Variants in LPGAT1 observed in about 807,000 individuals in gnomAD.
LPGAT1 encodes the protein acyl-CoA:lysophosphatidylglycerol acyltransferase 1.
In LPGAT1, 11 loss-of-function variants were observed where a neutral mutation model predicts 47.5. The ratio of observed to expected loss-of-function variants is 0.23; its 90% CI spans 0.15 to 0.38. The LOEUF (loss-of-function observed/expected upper bound fraction) is 0.38. LPGAT1 is among the 10% of genes least tolerant of loss of function. LPGAT1 has a pLI of 1.00. For synonymous variants in LPGAT1, 138 were observed against 144.2 expected (o/e 0.96, Z 0.31); for missense variants, 293 against 439.0 (o/e 0.67, Z 2.97).
intron 6 of LPGAT1, among the ~76,000 whole-genome samples, chr1:211,756,987 G>A (rs749511123): frequency 9.2e-5 from 14 of 151,566 alleles, no homozygotes; most frequent in South Asian, 2.1e-4. Context: ...CGCCAGGTGC[G>A]GTGGCTCACA....
chr1:211,799,458 T>C (rs1013356587), intron 2 of LPGAT1, among the ~76,000 whole-genome samples: 1 of 152,216 alleles, frequency 6.6e-6, no homozygotes, highest in Non-Finnish European at 1.5e-5. Flanking sequence ...TAAGCACTGT[T>C]TTCAAACTTA....
intron 3 of LPGAT1, among the ~76,000 whole-genome samples, chr1:211,791,751 A>AC (rs1349942186): frequency 2.0e-5 from 3 of 147,818 alleles, no homozygotes; most frequent in Admixed American, 6.8e-5. Flanking sequence ...CATCTCAAAA[A>AC]AAAAAAAAAA....
chr1:211,762,858 G>A (rs6680326), intron 6 of LPGAT1, among the ~76,000 whole-genome samples: 51,814 of 152,036 alleles, frequency 0.34, 10,508 homozygotes, highest in East Asian at 0.72. Context: ...GAATTTTTAC[G>A]TCAAGACTCC....
intron 4 of LPGAT1, among the ~76,000 whole-genome samples, chr1:211,786,468 G>A (rs745634098): frequency 3.3e-5 from 5 of 152,170 alleles, no homozygotes; most frequent in East Asian, 1.9e-4. Context: ...ATAAAAGCTC[G>A]TACATACCAT....
intron 6 of LPGAT1, among the ~76,000 whole-genome samples, chr1:211,771,098 C>CA (rs370445381): frequency 0.074 from 7,047 of 94,992 alleles, 213 homozygotes; most frequent in South Asian, 0.15. Flanking sequence ...GACACTATCT[C>CA]AAAAAAAAAA....
intron 6 of LPGAT1, among the ~76,000 whole-genome samples, chr1:211,758,883 C>T (rs1193769804): frequency 6.6e-6 from 1 of 151,918 alleles, no homozygotes; most frequent in African/African-American, 2.4e-5. Context: ...CTTCTATTTC[C>T]AATTTGCTAA....
At position 211,830,710 on chromosome 1, in the gene LPGAT1, C is replaced by A; in HGVS notation, c.-165G>T. The A allele has an allele frequency of 4.2e-6, 5 of 1,184,174 alleles. No individual in the cohort carries two copies. Among genetic ancestry groups the A allele is most frequent in the South Asian group, 8.5e-5 (2 of 23,642 alleles). 73.4% of individuals were successfully genotyped at this position (1,184,174 alleles called of 1,614,324 possible). A position where few individuals can be genotyped will look rare whatever the true frequency, so the allele number is the denominator to read the frequency against. Reference sequence around the variant, plus strand: ...GGCTGTGGCGCGGCCCGCGCCCGTTCCCCGGCGGCGCCGAGACTCGGTCCC... The same window carrying A: ...GGCTGTGGCGCGGCCCGCGCCCGTTACCCGGCGGCGCCGAGACTCGGTCCC... On this transcript the variant is annotated 5_prime_UTR_variant, in exon 1 of 8. Coordinates refer to ENST00000366997, the MANE Select transcript of LPGAT1 (RefSeq NM_014873.3). The surrounding 1 kb of genome is among the most constrained non-coding windows in gnomAD (Gnocchi z 5.9).
chr1:211,769,481 G>A (rs1658073438), intron 6 of LPGAT1, among the ~76,000 whole-genome samples: 1 of 152,170 alleles, frequency 6.6e-6, no homozygotes, highest in South Asian at 2.1e-4. Context: ...GCCCGCAAGA[G>A]AGGATTTTTG....
At chr1:211,817,650 T>C (rs1660221749) in intron 2 of LPGAT1, among the ~76,000 whole-genome samples, 1 of 152,138 alleles carries the variant, frequency 6.6e-6, no homozygotes, top group African/African-American at 2.4e-5. Context: ...TGAGACATTC[T>C]ACTAACTAAT....
At chr1:211,822,390 G>T (rs1046575962) in intron 2 of LPGAT1, among the ~76,000 whole-genome samples, 1 of 152,034 alleles carries the variant, frequency 6.6e-6, no homozygotes, top group Non-Finnish European at 1.5e-5. Context: ...CCTACCACAG[G>T]GATGGAGAAG....
At chr1:211,766,963 A>C (rs1657944608) in intron 6 of LPGAT1, among the ~76,000 whole-genome samples, 1 of 152,124 alleles carries the variant, frequency 6.6e-6, no homozygotes, top group Admixed American at 6.5e-5. Context: ...TAAATATCTG[A>C]AATTAGGCAT....
rs1238327860 is a variant in LPGAT1 at position 211,747,204 on chromosome 1, TTC to T, written c.*2693_*2694del. 1 of 152,170 alleles carries T rather than the reference TTC, an allele frequency of 6.6e-6. No individual in the cohort carries two copies. Among genetic ancestry groups the T allele is most frequent in the African/African-American group, 2.4e-5 (1 of 41,450 alleles). The allele number at this position is 152,170 out of a possible 1,614,324, so 9.4% of individuals were successfully genotyped here. ...TAAGAATACTGATTCTCTCTTTACC[TTC>T]TCTAGTGCAAGCAGGAGAACTCCAG... On this transcript the variant is annotated 3_prime_UTR_variant, in exon 8 of 8. Coordinates refer to ENST00000366997, the MANE Select transcript of LPGAT1 (RefSeq NM_014873.3).
At chr1:211,826,377 A>G (rs999893609) in intron 2 of LPGAT1, among the ~76,000 whole-genome samples, 2 of 152,236 alleles carry the variant, frequency 1.3e-5, no homozygotes, top group Admixed American at 6.5e-5. Context: ...CATGCTTACT[A>G]TATCAGCTTT....
intron 2 of LPGAT1, among the ~76,000 whole-genome samples, chr1:211,794,913 C>T (rs143698129): frequency 1.0e-3 from 159 of 152,230 alleles, no homozygotes; most frequent in Non-Finnish European, 2.0e-3. Context: ...TACAGATATA[C>T]TCATTTATGT....
At chr1:211,769,100 T>C (rs1037542744) in intron 6 of LPGAT1, among the ~76,000 whole-genome samples, 7 of 152,134 alleles carry the variant, frequency 4.6e-5, no homozygotes, top group Admixed American at 2.6e-4. Flanking sequence ...ATTTGACTTT[T>C]AAAAGGAGCA....
chr1:211,826,384 C>T (rs534871950), intron 2 of LPGAT1, among the ~76,000 whole-genome samples: 2 of 152,128 alleles, frequency 1.3e-5, no homozygotes, highest in African/African-American at 2.4e-5. Flanking sequence ...ACTATATCAG[C>T]TTTGTCCAGT....
intron 6 of LPGAT1, among the ~76,000 whole-genome samples, chr1:211,778,681 C>T (rs1410774399): frequency 1.3e-5 from 2 of 152,124 alleles, no homozygotes; most frequent in African/African-American, 4.8e-5. Context: ...TTAACTTTTA[C>T]TCAAAAGTGT....
At chr1:211,829,616 T>C (rs770313404) in intron 1 of LPGAT1, 342 of 1,171,934 alleles carry the variant, frequency 2.9e-4, no homozygotes, top group Non-Finnish European at 3.5e-4. Flanking sequence ...CCGCACCGTG[T>C]CTCACTGCGG....
At chr1:211,756,540 C>T (rs1288441559) in intron 6 of LPGAT1, among the ~76,000 whole-genome samples, 1 of 152,068 alleles carries the variant, frequency 6.6e-6, no homozygotes, top group Non-Finnish European at 1.5e-5. Flanking sequence ...CCCCATATTG[C>T]CCAGGCTGGT....
Sources: allele counts gnomAD v4.1 joint callset (sites outside exome capture counted in the v4.1 genomes callset), GRCh38; gene constraint gnomAD v4.1.1; non-coding constraint Gnocchi (gnomAD v3.1); transcripts MANE v1.5; gene names NCBI Gene and HGNC (gene_info 2026-07-23, HGNC 2026-07-21).